UBE2F: variants seen among roughly 807,000 people sequenced by gnomAD.
The protein encoded by UBE2F is ubiquitin conjugating enzyme E2 F (putative).
In UBE2F, 5 loss-of-function variants were observed where a neutral mutation model predicts 29.6. That is an observed-to-expected ratio of 0.17 (90% CI 0.09 to 0.36). The LOEUF (loss-of-function observed/expected upper bound fraction) is 0.36, where lower values mean the gene tolerates loss of function less well. Ranked by LOEUF, UBE2F falls within the 10% of genes least tolerant of loss-of-function variation. The pLI, the probability that UBE2F is intolerant of heterozygous loss-of-function variation, is 1.00. For synonymous variants in UBE2F, 66 were observed against 81.8 expected, an observed-to-expected ratio of 0.81 and a Z score of 1.04; for missense variants, 141 against 228.5, an observed-to-expected ratio of 0.62 and a Z score of 2.47.
chr2:238,036,034 C>A, intron 9 of UBE2F, 94 bp downstream of exon 9: 2 of 1,145,302 alleles, frequency 1.7e-6, no homozygotes, highest in South Asian at 1.3e-5. Context: ...ATTTATCCAC[C>A]AAGAGAGTGG....
At chr2:238,007,196 A>G (rs1207603384) in intron 4 of UBE2F, among the ~76,000 whole-genome samples, 1 of 152,140 alleles carries the variant, frequency 6.6e-6, no homozygotes, top group Non-Finnish European at 1.5e-5. Flanking sequence ...ATCTCAGCTC[A>G]CTGCATTCTC....
chr2:237,990,085 TC>T (rs1421867512), intron 3 of UBE2F, among the ~76,000 whole-genome samples: 1 of 135,488 alleles, frequency 7.4e-6, no homozygotes, highest in African/African-American at 2.8e-5. Context: ...GCCACTGCAC[TC>T]CTGGGCGATG....
intron 9 of UBE2F, among the ~76,000 whole-genome samples, chr2:238,036,457 G>A (rs1317501352): frequency 2.4e-5 from 2 of 82,656 alleles, no homozygotes; most frequent in Non-Finnish European, 5.6e-5. Flanking sequence ...TGGGATTACA[G>A]GCATGAGCTA....
intron 5 of UBE2F, among the ~76,000 whole-genome samples, chr2:238,017,981 C>A (rs1057368010): frequency 1.2e-4 from 18 of 152,154 alleles, no homozygotes; most frequent in African/African-American, 4.1e-4. Context: ...CCGGACTACT[C>A]CATTTAAGGT....
At chr2:238,003,758 T>C (rs1340273009) in intron 4 of UBE2F, among the ~76,000 whole-genome samples, 1 of 152,248 alleles carries the variant, frequency 6.6e-6, no homozygotes, top group Non-Finnish European at 1.5e-5. Context: ...TTAAGAATCA[T>C]GTTTAGTGGG....
In UBE2F at chr2:237,967,545, C is replaced by A. The variant is rs2063082600; in HGVS notation, c.-17+413C>A. Among the ~76,000 whole-genome samples the A allele has an allele frequency of 6.6e-6, 1 of 152,064 alleles. No homozygotes were observed. The highest frequency in any genetic ancestry group is 1.5e-5 in the Non-Finnish European group (1 of 67,956). ...TGTACGGAGGAAGCGGGGCGTCCAG[C>A]GCCTGGCCAAGGTCACCGGCCCGAC... On this transcript the variant is annotated intron_variant, in intron 1 of 9. Coordinates refer to ENST00000272930, the MANE Select transcript of UBE2F (RefSeq NM_080678.3). This position sits in a 1 kb window ranked among gnomAD's most constrained non-coding sequence, Gnocchi z 6.3.
At chr2:238,008,331 A>G (rs1274327351) in intron 4 of UBE2F, among the ~76,000 whole-genome samples, 3 of 152,190 alleles carry the variant, frequency 2.0e-5, no homozygotes, top group African/African-American at 7.2e-5. Context: ...TTGTTGTGGT[A>G]AGATTTTAAG....
intron 2 of UBE2F, among the ~76,000 whole-genome samples, chr2:237,983,340 C>T (rs1229531221): frequency 6.6e-6 from 1 of 152,266 alleles, no homozygotes; most frequent in Admixed American, 6.5e-5. Context: ...CAGAGCATGT[C>T]CTGGCCCTGA....
At chr2:238,013,866 A>G (rs1281799143) in intron 4 of UBE2F, among the ~76,000 whole-genome samples, 2 of 152,154 alleles carry the variant, frequency 1.3e-5, no homozygotes, top group Non-Finnish European at 2.9e-5. Flanking sequence ...GCATTTCATT[A>G]TTGTATTTTA....
chr2:237,999,477 C>T (rs2063750335), intron 4 of UBE2F, among the ~76,000 whole-genome samples: 1 of 152,094 alleles, frequency 6.6e-6, no homozygotes, highest in Admixed American at 6.6e-5. Context: ...ATATATGCTC[C>T]TATGTTTTTT....
intron 3 of UBE2F, among the ~76,000 whole-genome samples, chr2:237,991,400 T>C (rs1191325703): frequency 1.3e-5 from 2 of 152,098 alleles, no homozygotes; most frequent in African/African-American, 4.8e-5. Flanking sequence ...TCGGAACTAG[T>C]TTGGAGCTCT....
rs539765203 is a variant in UBE2F at position 238,041,053 on chromosome 2, C to T, written c.508-235C>T. 1.5e-3 allele frequency among the ~76,000 whole-genome samples: 227 copies of T among 152,254 alleles called. 1 individual carries two copies. The highest frequency in any genetic ancestry group is 5.2e-3 in the African/African-American group (216 of 41,550). On this transcript the variant is annotated intron_variant, in intron 9 of 9. Transcript: ENST00000272930. ...GTACCCCCTTAGGGTCCCTTCCACT[C>T]AGGCCTTCCACGTGCTCCCCCCTCA...
chr2:238,013,302 T>G (rs1409649354), intron 4 of UBE2F, among the ~76,000 whole-genome samples: 1 of 152,056 alleles, frequency 6.6e-6, no homozygotes, highest in Non-Finnish European at 1.5e-5. Context: ...GAAATGGTTA[T>G]AGATAGGGAA....
intron 9 of UBE2F, 120 bp downstream of exon 9, chr2:238,036,060 G>A (rs2064701349): frequency 2.3e-6 from 2 of 852,312 alleles, no homozygotes; most frequent in Non-Finnish European, 3.8e-6. Context: ...TGCAAGGCTG[G>A]AATTCAAAGC....
intron 2 of UBE2F, among the ~76,000 whole-genome samples, chr2:237,974,336 A>C (rs1440094191): frequency 6.6e-6 from 1 of 151,786 alleles, no homozygotes; most frequent in East Asian, 1.9e-4. Flanking sequence ...GATTACAGGC[A>C]TGCGCTACTA....
rs1369283495 is a variant in UBE2F at position 237,992,572 on chromosome 2, T to A, written c.149-2172T>A. On this transcript the variant is annotated intron_variant, in intron 3 of 9. Coordinates refer to ENST00000272930, the MANE Select transcript of UBE2F (RefSeq NM_080678.3). ...AACCCCACTATCAGTCCTGTGTTAT[T>A]TGCTGCTTGTATATACAGGTGTCCC... is the stretch of plus-strand genomic sequence containing the variant. Among the ~76,000 whole-genome samples the A allele has an allele frequency of 5.9e-5, 9 of 152,320 alleles. No homozygotes were observed. The East Asian group carries it at 1.7e-3, about 29-fold the overall frequency.
intron 6 of UBE2F, among the ~76,000 whole-genome samples, chr2:238,030,300 C>T (rs1354244006): frequency 1.3e-5 from 2 of 152,172 alleles, no homozygotes; most frequent in East Asian, 3.8e-4. Context: ...ACATGCTCTT[C>T]CTCAGCCTAA....
chr2:237,974,987 G>C (rs2063250066), intron 2 of UBE2F, among the ~76,000 whole-genome samples: 1 of 151,846 alleles, frequency 6.6e-6, no homozygotes, highest in Non-Finnish European at 1.5e-5. Context: ...AGCCAGGCTA[G>C]TCTTGAACTC....
intron 2 of UBE2F, among the ~76,000 whole-genome samples, chr2:237,981,855 G>A (rs1180574167): frequency 2.0e-5 from 3 of 151,860 alleles, no homozygotes; most frequent in Non-Finnish European, 4.4e-5. Flanking sequence ...TCAAACTCCT[G>A]AGCTCATGCG....
Sources: gnomAD v4.1 joint callset for allele counts (sites outside exome capture counted in the v4.1 genomes callset) on GRCh38, gnomAD v4.1.1 for gene constraint, Gnocchi (gnomAD v3.1) non-coding constraint, MANE v1.5 for transcripts, NCBI Gene and HGNC (gene_info 2026-07-23, HGNC 2026-07-21) for gene names.